The following PNLIP variants were observed in gnomAD, a reference collection of about 807,000 sequenced individuals.
PNLIP encodes pancreatic lipase.
Under a neutral mutation model 57.1 loss-of-function variants are expected in PNLIP, and 49 were observed. That is an observed-to-expected ratio of 0.86 (90% CI 0.68 to 1.09). The LOEUF (loss-of-function observed/expected upper bound fraction) is 1.09. Ranked by LOEUF, PNLIP falls within the 50% of genes least tolerant of loss-of-function variation. PNLIP has a pLI of 0.00. For synonymous variants in PNLIP, 209 were observed against 200.4 expected, an observed-to-expected ratio of 1.04 and a Z score of -0.36; for missense variants, 503 against 570.2, an observed-to-expected ratio of 0.88 and a Z score of 1.20.
intron 5 of PNLIP, among the ~76,000 whole-genome samples, chr10:116,552,481 T>G (rs1847204790): frequency 6.6e-6 from 1 of 152,090 alleles, no homozygotes; most frequent in Non-Finnish European, 1.5e-5. Flanking sequence ...GTTAAAAAAA[T>G]TATCATAAAA....
intron 12 of PNLIP, 138 bp from the exon 13 acceptor site, chr10:116,567,597 T>G: frequency 1.4e-6 from 1 of 695,362 alleles, no homozygotes; most frequent in South Asian, 1.6e-5. Context: ...AGGTCTTCCC[T>G]CAGCCATTGT....
chr10:116,560,390 C>T (rs1420379849), intron 10 of PNLIP, 26 bp from the exon 11 acceptor site: 4 of 1,273,594 alleles, frequency 3.1e-6, no homozygotes, highest in South Asian at 2.6e-5. Context: ...TCCAAACTGA[C>T]ATTTTGCAAT....
At position 116,561,587 on chromosome 10, in the gene PNLIP, C is replaced by T. The variant is rs187663045; in HGVS notation, c.1285C>T (p.Pro429Ser). ...WYNNVINPTL[P>S]RVGASKIIVE... The stretch of plus-strand genomic sequence containing the variant: ...TAACAATGTGATCAACCCAACTTTA[C>T]CTAGAGTGGGAGCATCCAAGATTAT... The change falls in exon 12 of 13, where the codon CCT (proline) becomes TCT (serine). Residue 429 changes from proline to serine, a missense_variant. Coordinates refer to ENST00000369221, the MANE Select transcript of PNLIP (RefSeq NM_000936.4). 1 of 1,613,416 alleles carries T rather than the reference C, an allele frequency of 6.2e-7. No individual in the cohort carries two copies. The highest frequency in any genetic ancestry group is 2.2e-5 in the East Asian group (1 of 44,854).
chr10:116,564,586 AAC>A (rs1847345062), intron 12 of PNLIP, among the ~76,000 whole-genome samples: 1 of 152,322 alleles, frequency 6.6e-6, no homozygotes, highest in Middle Eastern at 3.4e-3. Context: ...AGAAATTAAG[AAC>A]ACAGGAAATA....
chr10:116,553,959 GA>G (rs1273177189), intron 6 of PNLIP, 121 bp downstream of exon 6: 6 of 504,128 alleles, frequency 1.2e-5, no homozygotes, highest in East Asian at 3.5e-5. Context: ...AAAAAAAAAA[GA>G]AAAAAAGGAC....
chr10:116,552,975 T>G (rs1025714017), intron 5 of PNLIP, among the ~76,000 whole-genome samples: 3 of 152,176 alleles, frequency 2.0e-5, no homozygotes, highest in African/African-American at 7.2e-5. Flanking sequence ...GTATATAAAG[T>G]CTTCAGCGGT....
chr10:116,553,913 T>A, intron 6 of PNLIP, 75 bp downstream of exon 6: 1 of 781,700 alleles, frequency 1.3e-6, no homozygotes, highest in Non-Finnish European at 2.1e-6. Flanking sequence ...TTGAGGCCAA[T>A]CTGGGCAACA....
intron 12 of PNLIP, among the ~76,000 whole-genome samples, chr10:116,565,249 C>CAAAAAA (rs71010093): frequency 4.8e-4 from 16 of 33,330 alleles, no homozygotes; most frequent in African/African-American, 1.1e-3. Context: ...GACAATGTCT[C>CAAAAAA]AAAAAAAAAA....
chr10:116,550,891 C>G (rs1249282300), intron 4 of PNLIP, among the ~76,000 whole-genome samples: 1 of 152,188 alleles, frequency 6.6e-6, no homozygotes, highest in Non-Finnish European at 1.5e-5. Context: ...CCAGTTCCCA[C>G]TATGGTCAAA....
intron 12 of PNLIP, among the ~76,000 whole-genome samples, chr10:116,562,299 T>A (rs935758430): frequency 2.0e-5 from 3 of 152,088 alleles, no homozygotes; most frequent in African/African-American, 7.2e-5. Context: ...AAAGATGGAG[T>A]AACAGAGCCC....
intron 2 of PNLIP, 100 bp downstream of exon 2, chr10:116,546,238 A>G: frequency 9.9e-7 from 1 of 1,005,940 alleles, no homozygotes; most frequent in Non-Finnish European, 1.6e-6. Flanking sequence ...TAACATGAAG[A>G]TTTACTTCAA....
intron 4 of PNLIP, among the ~76,000 whole-genome samples, chr10:116,550,220 G>A (rs1373375645): frequency 1.3e-5 from 2 of 151,396 alleles, no homozygotes; most frequent in African/African-American, 2.4e-5. Flanking sequence ...CACCAGGCCC[G>A]GCTAATTTTT....
At chr10:116,547,581 C>T (rs1389188142) in intron 3 of PNLIP, 133 bp downstream of exon 3, 3 of 696,092 alleles carry the variant, frequency 4.3e-6, no homozygotes, top group Non-Finnish European at 7.0e-6. Context: ...AAACAATTAG[C>T]CAGGCGTGGT....
Position 116,548,487 on chromosome 10 carries a change from G to A in PNLIP, c.324+5G>A, listed in dbSNP as rs1176959290. On this transcript the variant is annotated splice_donor_5th_base_variant and intron_variant, in intron 4 of 12. Coordinates refer to ENST00000369221, the MANE Select transcript of PNLIP (RefSeq NM_000936.4). ...TGGCTGGCCAATGTGTGCAAGGTGAGATGTGGTCATCTCTCAAGGAAAGAT... is the reference window on the plus strand; with the variant it reads ...TGGCTGGCCAATGTGTGCAAGGTGAAATGTGGTCATCTCTCAAGGAAAGAT... 1.9e-6 allele frequency: 3 copies of A among 1,612,964 alleles called. No homozygotes were observed. The highest frequency in any genetic ancestry group is 2.5e-6 in the Non-Finnish European group (3 of 1,179,504).
intron 4 of PNLIP, among the ~76,000 whole-genome samples, chr10:116,550,053 C>CTTTTTTTTTTTTTTTTTTTTTTTTTT (rs1176488381): frequency 1.0e-5 from 1 of 98,920 alleles, no homozygotes; most frequent in Non-Finnish European, 2.0e-5. Flanking sequence ...TTCTCAAATT[C>CTTTTTTTTTTTTTTTTTTTTTTTTTT]TTTTTTTTTT....
chr10:116,567,147 C>G (rs1487953196), intron 12 of PNLIP, among the ~76,000 whole-genome samples: 1 of 132,504 alleles, frequency 7.5e-6, no homozygotes, highest in Non-Finnish European at 1.6e-5. Flanking sequence ...TTCTTTTCTT[C>G]TCTTTCTTTC....
intron 12 of PNLIP, among the ~76,000 whole-genome samples, chr10:116,564,162 T>G (rs1240604993): frequency 6.6e-6 from 1 of 152,106 alleles, no homozygotes; most frequent in Non-Finnish European, 1.5e-5. Context: ...ATTATTCAGG[T>G]GATTACACTA....
intron 11 of PNLIP, among the ~76,000 whole-genome samples, chr10:116,561,158 A>C (rs1037593605): frequency 6.6e-6 from 1 of 152,196 alleles, no homozygotes; most frequent in Non-Finnish European, 1.5e-5. Context: ...AGATGATGGC[A>C]TACTCTCATC....
intron 4 of PNLIP, among the ~76,000 whole-genome samples, chr10:116,550,161 C>T (rs1295871701): frequency 1.3e-5 from 2 of 150,434 alleles, no homozygotes; most frequent in African/African-American, 2.4e-5. Context: ...CGGGTTCACG[C>T]CATTCTCCTG....
Sources: allele counts gnomAD v4.1 joint callset (sites outside exome capture counted in the v4.1 genomes callset), GRCh38; gene constraint gnomAD v4.1.1; transcripts MANE v1.5; gene names NCBI Gene and HGNC (gene_info 2026-07-23, HGNC 2026-07-21).